The following ZNF462 variants were observed in gnomAD, a reference collection of about 807,000 sequenced individuals.
ZNF462 encodes zinc finger protein 462, also known as zinc finger PBX1-interacting protein.
In ZNF462, 10 loss-of-function variants were observed where a neutral mutation model predicts 201.9. The ratio of observed to expected loss-of-function variants is 0.05; its 90% confidence interval spans 0.03 to 0.08. The LOEUF (loss-of-function observed/expected upper bound fraction) is 0.08. ZNF462 is among the 10% of genes least tolerant of loss of function. ZNF462 has a pLI of 1.00. For synonymous variants in ZNF462, 1,227 were observed against 1,193.3 expected (o/e 1.03, Z -0.58); for missense variants, 2,523 against 3,168.3 (o/e 0.80, Z 4.89).
intron 7 of ZNF462, among the ~76,000 whole-genome samples, chr9:106,956,960 T>G (rs1831603767): frequency 6.6e-6 from 1 of 152,144 alleles, no homozygotes; most frequent in Non-Finnish European, 1.5e-5. Flanking sequence ...TTCTCCATAA[T>G]CAGCAATAAG....
At chr9:106,863,079 GGA>G (rs1034705811), upstream of ZNF462, 21 of 394,762 alleles carry the variant, frequency 5.3e-5, no homozygotes, top group South Asian at 2.6e-4. Flanking sequence ...GAGAGAGAGG[GGA>G]GAGAGAGAGT....
In ZNF462 at chr9:106,864,078, CT is replaced by C. The variant is rs1564062513; in HGVS notation, c.-31+724del. Among the ~76,000 whole-genome samples the C allele has an allele frequency of 1.5e-3, 206 of 136,716 alleles. 4 individuals are homozygous for C. The highest frequency in any genetic ancestry group is 2.2e-3 in the Admixed American group (29 of 13,438). The allele number at this position is 136,716 out of a possible 152,430, so 89.7% of individuals were successfully genotyped here. A position where few individuals can be genotyped will look rare whatever the true frequency, so the allele number is the denominator to read the frequency against. On this transcript the variant is annotated intron_variant, in intron 1 of 12. Coordinates refer to ENST00000277225, the MANE Select transcript of ZNF462 (RefSeq NM_021224.6). The stretch of plus-strand genomic sequence containing the variant: ...TCTCTCTCTCTCTCTCTCTCTCTCT[CT>C]CTCTCTCTCTCTCTCTCTCTCTCTC...
At chr9:107,001,492 G>T (rs983982476) in intron 10 of ZNF462, among the ~76,000 whole-genome samples, 6 of 152,118 alleles carry the variant, frequency 3.9e-5, no homozygotes, top group South Asian at 2.1e-4. Context: ...GATTTATCCA[G>T]AATCTAGTGG....
rs1828423143 is a variant in ZNF462, at chr9:106,993,175, A to G, written c.7056+8766A>G. ...TTTCATTAAAAAGAACTGAACATTC[A>G]AAACTGGACTTCTGAATTCTGCCTG... is the stretch of plus-strand genomic sequence containing the variant. On this transcript the variant is annotated intron_variant, in intron 10 of 12. Transcript: ENST00000277225. The surrounding 1 kb of genome is among the most constrained non-coding windows in gnomAD (Gnocchi z 4.0). Among the ~76,000 whole-genome samples the G allele has an allele frequency of 2.6e-5, 4 of 152,298 alleles. No homozygotes were observed. In the South Asian group the frequency reaches 8.3e-4, roughly 32 times the overall value.
intron 10 of ZNF462, among the ~76,000 whole-genome samples, chr9:106,997,337 G>A (rs1351493357): frequency 6.6e-6 from 1 of 152,052 alleles, no homozygotes; most frequent in African/African-American, 2.4e-5. Flanking sequence ...TTTAACTAAA[G>A]GAAACAAAAT....
At chr9:106,982,347 A>G (rs1827497746) in intron 9 of ZNF462, among the ~76,000 whole-genome samples, 2 of 152,208 alleles carry the variant, frequency 1.3e-5, no homozygotes, top group Admixed American at 6.5e-5. Flanking sequence ...ACATCCTGCA[A>G]TGCACAGGCT....
At position 106,870,376 on chromosome 9, in the gene ZNF462, C is replaced by G. The variant is rs571704192; in HGVS notation, c.-31+7021C>G. Among the ~76,000 whole-genome samples the G allele has an allele frequency of 1.7e-4, 26 of 152,294 alleles. No homozygotes were observed. In the South Asian group the frequency reaches 5.2e-3, roughly 30 times the overall value. ...TTCATGTGTTTGCTTGTTCAGTTCA[C>G]TGCATGTTGCTTCTGGATATTAATA... On this transcript the variant is annotated intron_variant, in intron 1 of 12. Transcript: ENST00000277225. The surrounding 1 kb of genome is among the most constrained non-coding windows in gnomAD (Gnocchi z 4.3).
At position 106,913,865 on chromosome 9, in the gene ZNF462, G is replaced by C. The variant is rs1829655548; in HGVS notation, c.-30-9489G>C. ...GATCTGCCCGCCTCAGCCTCCCAAA[G>C]TGCTAGGATTACAGGCATGAGACAC... On this transcript the variant is annotated intron_variant, in intron 1 of 12. Coordinates refer to ENST00000277225, the MANE Select transcript of ZNF462 (RefSeq NM_021224.6). This position sits in a 1 kb window ranked among gnomAD's most constrained non-coding sequence, Gnocchi z 4.1. Among the ~76,000 whole-genome samples the C allele has an allele frequency of 6.6e-6, 1 of 150,448 alleles. No homozygotes were observed.
At chr9:106,942,671 A>G (rs758673766) in intron 7 of ZNF462, among the ~76,000 whole-genome samples, 3 of 152,196 alleles carry the variant, frequency 2.0e-5, no homozygotes, top group Non-Finnish European at 2.9e-5. Context: ...TTATCCGGCT[A>G]TTTCCAAGTC....
At chr9:106,867,167 G>A (rs982202718) in intron 1 of ZNF462, among the ~76,000 whole-genome samples, 4 of 152,250 alleles carry the variant, frequency 2.6e-5, no homozygotes, top group Middle Eastern at 3.4e-3. Flanking sequence ...CCCTTCACCA[G>A]CATGGCAAAC....
Position 106,927,271 on chromosome 9 carries a change from C to G in ZNF462, c.3359C>G (p.Ser1120Cys). 1.4e-6 allele frequency: 2 copies of G among 1,465,772 alleles called. No homozygotes were observed. The highest frequency in any genetic ancestry group is 9.2e-7 in the Non-Finnish European group (1 of 1,090,704). The allele number at this position is 1,465,772 out of a possible 1,614,324, so 90.8% of individuals were successfully genotyped here. A position where few individuals can be genotyped will look rare whatever the true frequency, so the allele number is the denominator to read the frequency against. The change falls in exon 3 of 13, where the codon TCC becomes TGC. Residue 1120 changes from serine (S) to cysteine (C), a missense_variant. Coordinates refer to ENST00000277225, the MANE Select transcript of ZNF462 (RefSeq NM_021224.6). ...GAGCTTTACTACTGCAAACACTGTT[C>G]CTACAGCAATCGGTCAGTTGTGGGA... is the stretch of plus-strand genomic sequence containing the variant. ...STELYYCKHCSYSNRSVVGVL... is the reference protein window; with the variant it reads ...STELYYCKHCCYSNRSVVGVL...
chr9:107,001,934 C>T (rs1829216216), intron 10 of ZNF462, among the ~76,000 whole-genome samples: 1 of 152,064 alleles, frequency 6.6e-6, no homozygotes, highest in Non-Finnish European at 1.5e-5. Flanking sequence ...CTGAGTTCTT[C>T]TCCTCCTGAA....
chr9:106,939,293 A>T (rs760444473), intron 7 of ZNF462, among the ~76,000 whole-genome samples, 186 bp downstream of exon 7: 18 of 152,184 alleles, frequency 1.2e-4, no homozygotes, highest in Non-Finnish European at 1.0e-4. Flanking sequence ...CTTGTTGAGC[A>T]TCTGTGTGAC....
rs115364970 is a variant in ZNF462, at chr9:106,919,723, C to A, written c.-30-3631C>A. 6.9e-3 allele frequency among the ~76,000 whole-genome samples: 1,043 copies of A among 152,236 alleles called. 14 individuals carry two copies. The highest frequency in any genetic ancestry group is 0.023 in the African/African-American group (971 of 41,546). On this transcript the variant is annotated intron_variant, in intron 1 of 12. Coordinates refer to ENST00000277225, the MANE Select transcript of ZNF462 (RefSeq NM_021224.6). The surrounding 1 kb of genome is among the most constrained non-coding windows in gnomAD (Gnocchi z 4.5). ...TTTAGGGGTTTCATGTTAGGAGGAC[C>A]AGTCACATTAGGTGCCAGTTATTTT...
chr9:106,989,481 G>A (rs1828102215), intron 10 of ZNF462, among the ~76,000 whole-genome samples: 1 of 152,104 alleles, frequency 6.6e-6, no homozygotes, highest in South Asian at 2.1e-4. Context: ...TTCATGAGGG[G>A]TATCAGTCTG....
Position 106,927,578 on chromosome 9 carries a change from T to C in ZNF462, c.3666T>C (p.Asn1222=), listed in dbSNP as rs3814540. The change falls in exon 3 of 13, where the codon AAT becomes AAC. Residue 1222 remains asparagine (N), a synonymous_variant. Transcript: ENST00000277225. The part of the protein sequence containing the change: ...YQKKHRDFKA[N]ADVIRQHTAT... ...AGAAGCACCGAGACTTCAAGGCCAA[T>C]GCAGATGTGATCCGGCAGCATACGG... is the stretch of plus-strand genomic sequence containing the variant. 0.38 allele frequency: 620,605 copies of C among 1,613,186 alleles called. 123,594 individuals are homozygous for C. Among genetic ancestry groups the C allele is most frequent in the African/African-American group, 0.66 (49,555 of 74,740 alleles).
intron 1 of ZNF462, among the ~76,000 whole-genome samples, chr9:106,874,503 C>T (rs1260903663): frequency 6.6e-6 from 1 of 152,186 alleles, no homozygotes; most frequent in East Asian, 1.9e-4. Context: ...GGAGAGGAAG[C>T]TTGGGATATG....
At chr9:106,896,554 A>G (rs1828821944) in intron 1 of ZNF462, among the ~76,000 whole-genome samples, 1 of 152,128 alleles carries the variant, frequency 6.6e-6, no homozygotes, top group Admixed American at 6.5e-5. Flanking sequence ...TATTGCTTCT[A>G]ATATTTCCTG....
Position 106,972,620 on chromosome 9 carries a change from A to G in ZNF462, c.6695+348A>G, listed in dbSNP as rs891073636. On this transcript the variant is annotated intron_variant, in intron 8 of 12. Coordinates refer to ENST00000277225, the MANE Select transcript of ZNF462 (RefSeq NM_021224.6). The surrounding 1 kb of genome is among the most constrained non-coding windows in gnomAD (Gnocchi z 4.8). Reference sequence around the variant, plus strand: ...TTTTTTTAGCTTTGGAAAAAAAAGTATGTTCTTGGAAGCAAAGTCAAAGTC... The same window carrying G: ...TTTTTTTAGCTTTGGAAAAAAAAGTGTGTTCTTGGAAGCAAAGTCAAAGTC... Among the ~76,000 whole-genome samples the G allele has an allele frequency of 2.6e-5, 4 of 152,152 alleles. No individual in the cohort carries two copies. The highest frequency in any genetic ancestry group is 3.2e-3 in the Middle Eastern group (1 of 316).
Sources: gnomAD v4.1 joint callset for allele counts (sites outside exome capture counted in the v4.1 genomes callset) on GRCh38, gnomAD v4.1.1 for gene constraint, Gnocchi (gnomAD v3.1) non-coding constraint, MANE v1.5 for transcripts, NCBI Gene and HGNC (gene_info 2026-07-23, HGNC 2026-07-21) for gene names.